NRG1: variants seen among roughly 807,000 people sequenced by gnomAD.
NRG1 encodes neuregulin 1.
Under a neutral mutation model 63.8 loss-of-function variants are expected in NRG1, and 18 were observed. That is an observed-to-expected ratio of 0.28 (90% CI 0.19 to 0.42). The LOEUF is 0.42. Ranked by LOEUF, NRG1 falls within the 10% of genes least tolerant of loss-of-function variation. The probability of loss-of-function intolerance (pLI) is 1.00; values close to 1 mark genes in which losing one functional copy is unlikely to be tolerated. For synonymous variants in NRG1, 302 were observed against 301.3 expected (o/e 1.00, Z -0.02); for missense variants, 762 against 814.7 (o/e 0.94, Z 0.79).
chr8:31,900,853 T>G (rs1455783656), intron 1 of NRG1, among the ~76,000 whole-genome samples: 1 of 152,206 alleles, frequency 6.6e-6, no homozygotes, highest in Non-Finnish European at 1.5e-5. Flanking sequence ...TGCCTGTTCT[T>G]GCTAAACAGA....
chr8:32,526,646 T>C (rs1472163935), intron 1 of NRG1, among the ~76,000 whole-genome samples: 1 of 152,148 alleles, frequency 6.6e-6, no homozygotes, highest in Non-Finnish European at 1.5e-5. Flanking sequence ...AAGCTTACAG[T>C]CCACTTCTCC....
At chr8:31,951,016 A>G (rs1027000504) in intron 1 of NRG1, among the ~76,000 whole-genome samples, 5 of 152,248 alleles carry the variant, frequency 3.3e-5, no homozygotes, top group African/African-American at 1.2e-4. Flanking sequence ...ACATTCGGTG[A>G]CAGTTAATCC....
chr8:32,198,149 G>A (rs1456703460), intron 1 of NRG1, among the ~76,000 whole-genome samples: 3 of 152,106 alleles, frequency 2.0e-5, no homozygotes, highest in Non-Finnish European at 4.4e-5. Context: ...TTGGTGAAGG[G>A]CATTTTTTAT....
At chr8:32,188,856 T>C (rs1842214342) in intron 1 of NRG1, among the ~76,000 whole-genome samples, 1 of 152,004 alleles carries the variant, frequency 6.6e-6, no homozygotes, top group Non-Finnish European at 1.5e-5. Context: ...ATATACCTAA[T>C]GCTAAATGAT....
At chr8:31,816,955 A>G (rs10081404) in intron 1 of NRG1, among the ~76,000 whole-genome samples, 2,773 of 152,324 alleles carry the variant, frequency 0.018, 90 homozygotes, top group African/African-American at 0.063. Context: ...GGCTATACAC[A>G]TATTTTTAAA....
chr8:31,660,823 T>A (rs1805915861), intron 1 of NRG1, among the ~76,000 whole-genome samples: 1 of 152,246 alleles, frequency 6.6e-6, no homozygotes, highest in Admixed American at 6.5e-5. Flanking sequence ...CTTTCCTATA[T>A]ACTGTTGGGA....
chr8:32,214,661 AAGAGAG>A (rs10572464), intron 1 of NRG1, among the ~76,000 whole-genome samples: 1 of 150,882 alleles, frequency 6.6e-6, no homozygotes, highest in Non-Finnish European at 1.5e-5. Context: ...GAGAAAAAGA[AAGAGAG>A]AGAGAGAGAG....
chr8:31,733,239 T>C lies in NRG1; in HGVS notation c.37+93808T>C, dbSNP rs529901029. Among the ~76,000 whole-genome samples the C allele has an allele frequency of 2.0e-5, 3 of 152,166 alleles. No homozygotes were observed. The East Asian group carries it at 5.8e-4, about 29-fold the overall frequency. On this transcript the variant is annotated intron_variant, in intron 1 of 10. Transcript: ENST00000519301. Reference sequence around the variant, plus strand: ...TGCACTGATGGACACTTAGGTTGATTCCATATTCTTTGCTGTTGTGAGTAG... The same window carrying C: ...TGCACTGATGGACACTTAGGTTGATCCCATATTCTTTGCTGTTGTGAGTAG...
intron 1 of NRG1, among the ~76,000 whole-genome samples, chr8:32,298,055 T>C (rs907408780): frequency 2.0e-5 from 3 of 152,262 alleles, no homozygotes; most frequent in Non-Finnish European, 2.9e-5. Flanking sequence ...GCAATGCATA[T>C]GCAATAGCAT....
intron 1 of NRG1, among the ~76,000 whole-genome samples, chr8:32,333,473 A>G (rs1802893068): frequency 6.6e-6 from 1 of 152,210 alleles, no homozygotes; most frequent in African/African-American, 2.4e-5. Context: ...CCCTTGAATA[A>G]ATATTTGTAA....
chr8:32,454,085 CA>C (rs1821312554), intron 1 of NRG1, among the ~76,000 whole-genome samples: 1 of 152,128 alleles, frequency 6.6e-6, no homozygotes, highest in South Asian at 2.1e-4. Context: ...ATAAAGGCCA[CA>C]ACAGTTTCAT....
At chr8:32,065,355 C>G (rs1824593389) in intron 1 of NRG1, among the ~76,000 whole-genome samples, 1 of 152,134 alleles carries the variant, frequency 6.6e-6, no homozygotes, top group African/African-American at 2.4e-5. Context: ...CCTTCCCCCT[C>G]CCACCACCCC....
intron 3 of NRG1, among the ~76,000 whole-genome samples, chr8:32,612,847 C>T (rs1846610025): frequency 6.6e-6 from 1 of 151,954 alleles, no homozygotes; most frequent in South Asian, 2.1e-4. Context: ...TCCTGAAGGA[C>T]AAGAGAAGGA....
intron 1 of NRG1, among the ~76,000 whole-genome samples, chr8:32,316,472 CAAAA>C (rs60206972): frequency 8.8e-5 from 11 of 125,236 alleles, no homozygotes; most frequent in Non-Finnish European, 6.6e-5. Flanking sequence ...GAGACTCCAT[CAAAA>C]AAAAAAAAAA....
At chr8:31,798,613 T>C (rs180759206) in intron 1 of NRG1, among the ~76,000 whole-genome samples, 179 of 152,336 alleles carry the variant, frequency 1.2e-3, no homozygotes, top group African/African-American at 3.9e-3. Context: ...TGCTTTTAGT[T>C]AATACGGTTT....
chr8:32,153,305 A>G (rs1837708044), intron 1 of NRG1, among the ~76,000 whole-genome samples: 1 of 152,160 alleles, frequency 6.6e-6, no homozygotes, highest in Non-Finnish European at 1.5e-5. Context: ...TCCTCTCACT[A>G]AGGACAGCTA....
chr8:32,552,285 ATGT>A (rs143064067), intron 1 of NRG1, among the ~76,000 whole-genome samples: 1,912 of 141,900 alleles, frequency 0.013, 41 homozygotes, highest in African/African-American at 0.047. Flanking sequence ...CTCTGTCGAT[ATGT>A]TGTTCTTACT....
At chr8:32,179,280 C>G (rs141114005) in intron 1 of NRG1, among the ~76,000 whole-genome samples, 9 of 151,540 alleles carry the variant, frequency 5.9e-5, no homozygotes, top group African/African-American at 2.2e-4. Context: ...GAGAGCTGCT[C>G]CTGATGCGGA....
At chr8:32,528,080 T>G (rs1015371580) in intron 1 of NRG1, among the ~76,000 whole-genome samples, 1 of 152,222 alleles carries the variant, frequency 6.6e-6, no homozygotes, top group Non-Finnish European at 1.5e-5. Context: ...ATCCTTCTGA[T>G]TTGCATGTAA....
Sources: gnomAD v4.1 joint callset for allele counts (sites outside exome capture counted in the v4.1 genomes callset) on GRCh38, gnomAD v4.1.1 for gene constraint, MANE v1.5 for transcripts, NCBI Gene and HGNC (gene_info 2026-07-23, HGNC 2026-07-21) for gene names.